Variants in FBXO46 observed in about 807,000 individuals in gnomAD.
FBXO46 encodes the protein F-box protein 46, also known as F-box only protein 46.
Under a neutral mutation model 30.7 loss-of-function variants are expected in FBXO46, and 13 were observed. The observed-to-expected ratio is 0.42, with a 90% CI of 0.28 to 0.67. The LOEUF is 0.67. FBXO46 is among the 30% of genes least tolerant of loss of function. The pLI, the probability that FBXO46 is intolerant of heterozygous loss-of-function variation, is 0.21. For synonymous variants in FBXO46, 467 were observed against 385.8 expected (o/e 1.21, Z -2.47); for missense variants, 754 against 871.5 (o/e 0.87, Z 1.70).
Position 45,713,403 on chromosome 19 carries a change from G to A in FBXO46, c.93C>T (p.Ala31=). ...SQNQPRPPSA[A]LKPSACPEPG... ...GCTCAGGGCAGGCTGATGGCTTGAG[G>A]GCCGCAGAAGGCGGGCGTGGCTGGT... Residue 31 remains alanine (A), a synonymous_variant, in exon 2 of 2, where the codon GCC becomes GCT. Coordinates refer to ENST00000317683, the MANE Select transcript of FBXO46 (RefSeq NM_001080469.2). The surrounding 1 kb of genome is among the most constrained non-coding windows in gnomAD (Gnocchi z 4.7). 2.5e-6 allele frequency: 4 copies of A among 1,609,492 alleles called. No homozygotes were observed. Among genetic ancestry groups the A allele is most frequent in the Non-Finnish European group, 2.5e-6 (3 of 1,176,704 alleles).
At chr19:45,724,851 C>A (rs2146159970) in intron 1 of FBXO46, among the ~76,000 whole-genome samples, 1 of 152,184 alleles carries the variant, frequency 6.6e-6, no homozygotes, top group Non-Finnish European at 1.5e-5. Flanking sequence ...TGGGGTTTCA[C>A]CGTGTTGGCC....
intron 1 of FBXO46, chr19:45,716,700 CA>C (rs11356211): frequency 0.53 from 76,977 of 146,154 alleles, 20,215 homozygotes; most frequent in East Asian, 0.64. Flanking sequence ...TTCACAAAGC[CA>C]AAAAAAAAAA....
chr19:45,715,316 C>G (rs1268741341), intron 1 of FBXO46: 1 of 152,230 alleles, frequency 6.6e-6, no homozygotes, highest in Non-Finnish European at 1.5e-5. Context: ...GGCCCAGAAG[C>G]CTAATCCAGC....
intron 1 of FBXO46, among the ~76,000 whole-genome samples, chr19:45,729,093 C>T (rs1159912941): frequency 6.6e-6 from 1 of 150,992 alleles, no homozygotes; most frequent in African/African-American, 2.4e-5. Context: ...AAGAGCGAAA[C>T]TCCGCCTCAA....
Position 45,710,712 on chromosome 19 carries a change from A to AG in FBXO46, c.*971dup, listed in dbSNP as rs1249683422. 1.3e-5 allele frequency: 2 copies of AG among 152,382 alleles called. No homozygotes were observed. Among genetic ancestry groups the AG allele is most frequent in the Non-Finnish European group, 2.9e-5 (2 of 68,178 alleles). 9.4% of individuals were successfully genotyped at this position (152,382 alleles called of 1,614,324 possible). A position where few individuals can be genotyped will look rare whatever the true frequency, so the allele number is the denominator to read the frequency against. On this transcript the variant is annotated 3_prime_UTR_variant, in exon 2 of 2. Transcript: ENST00000317683. ...AGAAGCTTCCAGAACCACGATGGAA[A>AG]GAAAAAAAAGAAAACAAAAAACAGA...
At chr19:45,714,787 G>C (rs1427149655) in intron 1 of FBXO46, 3 of 152,230 alleles carry the variant, frequency 2.0e-5, no homozygotes, top group Admixed American at 1.3e-4. Flanking sequence ...CCAGCTAGTT[G>C]GGAGGCTGAG....
chr19:45,732,646 T>A (rs185043105), upstream of FBXO46, among the ~76,000 whole-genome samples: 1 of 127,970 alleles, frequency 7.8e-6, no homozygotes, highest in Non-Finnish European at 1.6e-5. Context: ...CAGGCTGGAG[T>A]GCAGTGGCGA....
chr19:45,720,796 A>G (rs1162820229), intron 1 of FBXO46, among the ~76,000 whole-genome samples: 1 of 152,062 alleles, frequency 6.6e-6, no homozygotes, highest in Non-Finnish European at 1.5e-5. Context: ...CCAGAGCTCA[A>G]GGTCTAAACT....
chr19:45,731,907 G>A (rs938061648), upstream of FBXO46, among the ~76,000 whole-genome samples: 8 of 151,668 alleles, frequency 5.3e-5, no homozygotes, highest in African/African-American at 1.7e-4. Flanking sequence ...CACAAGGTCA[G>A]GAGATCAAGA....
upstream of FBXO46, among the ~76,000 whole-genome samples, chr19:45,731,816 T>C (rs1968318673): frequency 6.6e-6 from 1 of 151,058 alleles, no homozygotes; most frequent in African/African-American, 2.4e-5. Context: ...GAGACCCTGC[T>C]GCCTCTTAAA....
chr19:45,722,468 C>T (rs1968185459), intron 1 of FBXO46, among the ~76,000 whole-genome samples: 1 of 152,166 alleles, frequency 6.6e-6, no homozygotes, highest in African/African-American at 2.4e-5. Context: ...AGCAGAGCAC[C>T]TGGTACCAGT....
rs1968021153 is a variant in FBXO46 at position 45,713,010 on chromosome 19, T to C, written c.486A>G (p.Ser162=). The C allele has an allele frequency of 6.4e-7, 1 of 1,557,118 alleles. No homozygotes were observed. Among genetic ancestry groups the C allele is most frequent in the Non-Finnish European group, 8.7e-7 (1 of 1,152,206 alleles). ...GPPAAEEGPA[S]AGEDVDLLSV... is the part of the protein sequence containing the mutation. ...AGAGCAGGTCCACGTCCTCACCGGC[T>C]GAGGCGGGGCCCTCCTCAGCAGCAG... Residue 162 remains serine, a synonymous_variant, in exon 2 of 2, where the codon TCA becomes TCG. Transcript: ENST00000317683. This position sits in a 1 kb window ranked among gnomAD's most constrained non-coding sequence, Gnocchi z 4.7.
In FBXO46 at chr19:45,711,455, AAC is replaced by A; in HGVS notation, c.*227_*228del. On this transcript the variant is annotated 3_prime_UTR_variant, in exon 2 of 2. Transcript: ENST00000317683. ...GTGAGATGCTGATAAAAAAAAAAAA[AAC>A]ACCCTTCTCAGAGGGTCCACGGCCC... The A allele has an allele frequency of 2.9e-6, 2 of 682,256 alleles. No individual in the cohort carries two copies. The highest frequency in any genetic ancestry group is 2.1e-5 in the Admixed American group (1 of 46,748). 42.3% of individuals were successfully genotyped at this position (682,256 alleles called of 1,614,324 possible). A position where few individuals can be genotyped will look rare whatever the true frequency, so the allele number is the denominator to read the frequency against.
At chr19:45,721,865 T>G (rs73557330) in intron 1 of FBXO46, among the ~76,000 whole-genome samples, 1,741 of 150,734 alleles carry the variant, frequency 0.012, 39 homozygotes, top group African/African-American at 0.041. Flanking sequence ...TTTTTTGAGA[T>G]GGAGTCGTGC....
chr19:45,729,435 T>TA (rs1351272661), intron 1 of FBXO46, among the ~76,000 whole-genome samples: 2 of 152,078 alleles, frequency 1.3e-5, no homozygotes, highest in African/African-American at 4.8e-5. Flanking sequence ...AATAAATAAA[T>TA]AAAAATAAAT....
At chr19:45,722,931 A>T (rs1275266847) in intron 1 of FBXO46, among the ~76,000 whole-genome samples, 1 of 151,952 alleles carries the variant, frequency 6.6e-6, no homozygotes, top group African/African-American at 2.4e-5. Flanking sequence ...ACAGGCGCCT[A>T]TAATCCCTGC....
intron 1 of FBXO46, among the ~76,000 whole-genome samples, chr19:45,720,239 T>C (rs749911533): frequency 2.0e-5 from 3 of 152,152 alleles, no homozygotes; most frequent in Non-Finnish European, 2.9e-5. Flanking sequence ...TCAAGCGATT[T>C]GCTTGCCTAA....
chr19:45,729,526 C>G (rs1238143043), intron 1 of FBXO46, among the ~76,000 whole-genome samples: 2 of 152,244 alleles, frequency 1.3e-5, no homozygotes, highest in Non-Finnish European at 2.9e-5. Context: ...CTCTACTCAT[C>G]ACATTGTATA....
At chr19:45,729,113 A>T (rs1012155782) in intron 1 of FBXO46, among the ~76,000 whole-genome samples, 4 of 151,438 alleles carry the variant, frequency 2.6e-5, no homozygotes, top group African/African-American at 7.3e-5. Context: ...AAAACAAAAC[A>T]AAACTAAACA....
Sources: gnomAD v4.1 joint callset for allele counts (sites outside exome capture counted in the v4.1 genomes callset) on GRCh38, gnomAD v4.1.1 for gene constraint, Gnocchi (gnomAD v3.1) non-coding constraint, MANE v1.5 for transcripts, NCBI Gene and HGNC (gene_info 2026-07-23, HGNC 2026-07-21) for gene names.